Variants in PIK3AP1 observed in about 807,000 individuals in gnomAD.
PIK3AP1 encodes phosphoinositide-3-kinase adaptor protein 1.
A neutral mutation model predicts 88.1 loss-of-function variants in PIK3AP1; 21 were observed. The observed-to-expected ratio is 0.24, with a 90% CI of 0.17 to 0.34. The LOEUF (loss-of-function observed/expected upper bound fraction) is 0.34, where lower values mean the gene tolerates loss of function less well. Ranked by LOEUF, PIK3AP1 falls within the 10% of genes least tolerant of loss-of-function variation. The pLI, the probability that PIK3AP1 is intolerant of heterozygous loss-of-function variation, is 1.00. For synonymous variants in PIK3AP1, 398 were observed against 400.0 expected (o/e 1.00, Z 0.06); for missense variants, 828 against 1,035.7 (o/e 0.80, Z 2.75).
rs1589519640 is a variant in PIK3AP1 at position 96,656,633 on chromosome 10, T to C, written c.567+165A>G. Among the ~76,000 whole-genome samples, 3 of 152,258 alleles carry C rather than the reference T, an allele frequency of 2.0e-5. No individual in the cohort carries two copies. In the South Asian group the frequency reaches 6.2e-4, roughly 32 times the overall value. On this transcript the variant is annotated intron_variant, in intron 3 of 16. Transcript: ENST00000339364. ...CTCTCTCTTACTCAGGGGAGCTGGG[T>C]GTCTCCAGGGCCCGGGTAACAGGGT...
At chr10:96,622,870 TG>T (rs1465897829) in intron 11 of PIK3AP1, among the ~76,000 whole-genome samples, 1 of 152,206 alleles carries the variant, frequency 6.6e-6, no homozygotes, top group Admixed American at 6.5e-5. Flanking sequence ...TGTTCCCCAA[TG>T]GCAAGCAAAA....
At chr10:96,630,743 T>G (rs983766113) in intron 8 of PIK3AP1, among the ~76,000 whole-genome samples, 3 of 151,946 alleles carry the variant, frequency 2.0e-5, no homozygotes, top group Admixed American at 1.3e-4. Flanking sequence ...TTCAGGAGGC[T>G]GGGGTGGGAG....
rs148307872 is a variant in PIK3AP1, at chr10:96,596,348, C to G, written c.2361-714G>C. On this transcript the variant is annotated intron_variant, in intron 16 of 16. Transcript: ENST00000339364. ...TCCACATTTTCCCCTGCTCCTCTGC[C>G]TCCTCACTGGCCCTGATGCTTCCCC... 1.4e-3 allele frequency among the ~76,000 whole-genome samples: 210 copies of G among 152,366 alleles called. 1 individual carries two copies. The highest frequency in any genetic ancestry group is 4.8e-3 in the African/African-American group (199 of 41,596).
At chr10:96,690,062 T>C (rs1353715898) in intron 2 of PIK3AP1, among the ~76,000 whole-genome samples, 9 of 152,224 alleles carry the variant, frequency 5.9e-5, no homozygotes, top group African/African-American at 1.7e-4. Context: ...ATCTTCAGAC[T>C]ACACTGTGCT....
At chr10:96,677,354 G>A (rs144928883) in intron 2 of PIK3AP1, among the ~76,000 whole-genome samples, 1 of 152,140 alleles carries the variant, frequency 6.6e-6, no homozygotes, top group African/African-American at 2.4e-5. Context: ...ATGATACCCT[G>A]AAGTAAAACT....
intron 2 of PIK3AP1, among the ~76,000 whole-genome samples, chr10:96,657,977 C>T (rs578036152): frequency 4.8e-4 from 72 of 150,310 alleles, no homozygotes; most frequent in African/African-American, 1.8e-3. Context: ...GCAGGAGAAT[C>T]ACTTGAACCT....
intron 8 of PIK3AP1, among the ~76,000 whole-genome samples, chr10:96,629,868 G>A (rs117035572): frequency 0.02 from 2,426 of 124,192 alleles, 23 homozygotes; most frequent in Middle Eastern, 0.097. Flanking sequence ...CACTCCAGCC[G>A]GGGCGATAGA....
intron 13 of PIK3AP1, among the ~76,000 whole-genome samples, chr10:96,610,075 C>T (rs1849081991): frequency 6.6e-6 from 1 of 152,158 alleles, no homozygotes; most frequent in African/African-American, 2.4e-5. Context: ...GTGTGGCTGT[C>T]ACTGAGAGAC....
intron 2 of PIK3AP1, among the ~76,000 whole-genome samples, chr10:96,681,599 G>C (rs1370642816): frequency 6.6e-6 from 1 of 152,200 alleles, no homozygotes; most frequent in East Asian, 1.9e-4. Context: ...GGGCCCAAAA[G>C]GGGGCTCTAG....
In PIK3AP1 at chr10:96,631,053, C is replaced by T. The variant is rs1843237984; in HGVS notation, c.1376-2560G>A. 2.6e-5 allele frequency among the ~76,000 whole-genome samples: 4 copies of T among 152,206 alleles called. No homozygotes were observed. The South Asian group carries it at 8.3e-4, about 32-fold the overall frequency. ...CATCATTAACCCAACAATGAAGCAC[C>T]AAGGAACTTACCCCCAAGGGAAGAC... On this transcript the variant is annotated intron_variant, in intron 8 of 16. Transcript: ENST00000339364.
At chr10:96,703,564 T>C (rs182683311) in intron 2 of PIK3AP1, among the ~76,000 whole-genome samples, 1 of 152,286 alleles carries the variant, frequency 6.6e-6, no homozygotes, top group East Asian at 1.9e-4. Context: ...TCTAACAGAA[T>C]CTATTTTTAT....
intron 6 of PIK3AP1, among the ~76,000 whole-genome samples, chr10:96,649,640 CTT>C (rs1374218027): frequency 6.6e-6 from 1 of 152,266 alleles, no homozygotes; most frequent in African/African-American, 2.4e-5. Flanking sequence ...GTTCCTTAGA[CTT>C]TCCGCTGCCT....
chr10:96,605,075 G>T (rs1249367446), intron 14 of PIK3AP1, among the ~76,000 whole-genome samples: 2 of 152,178 alleles, frequency 1.3e-5, no homozygotes, highest in East Asian at 3.8e-4. Context: ...GGCCAGGCTG[G>T]TCTCAAACTC....
chr10:96,701,014 A>T (rs933144651), intron 2 of PIK3AP1: 6 of 369,000 alleles, frequency 1.6e-5, no homozygotes, highest in Admixed American at 6.4e-5. Context: ...CCAAAAACCG[A>T]AAGACAAGAC....
In PIK3AP1 at chr10:96,709,106, TG is replaced by T. The variant is rs1353498476; in HGVS notation, c.430+460del. Among the ~76,000 whole-genome samples the T allele has an allele frequency of 4.9e-5, 6 of 122,702 alleles. No homozygotes were observed. The Admixed American group carries it at 6.4e-4, about 13-fold the overall frequency. The allele number at this position is 122,702 out of a possible 152,430, so 80.5% of individuals were successfully genotyped here. A position where few individuals can be genotyped will look rare whatever the true frequency, so the allele number is the denominator to read the frequency against. On this transcript the variant is annotated intron_variant, in intron 2 of 16. Coordinates refer to ENST00000339364, the MANE Select transcript of PIK3AP1 (RefSeq NM_152309.3). ...GAGATCGCACCATTGCGATCCAGCC[TG>T]GGTGACAGAGGGAGACTCCGACTCA...
chr10:96,703,846 C>T (rs980266746), intron 2 of PIK3AP1, among the ~76,000 whole-genome samples: 6 of 152,250 alleles, frequency 3.9e-5, no homozygotes, highest in South Asian at 2.1e-4. Context: ...CTGAAAGAAA[C>T]CTTCCAAATT....
At chr10:96,703,935 T>C (rs1361929293) in intron 2 of PIK3AP1, among the ~76,000 whole-genome samples, 4 of 152,234 alleles carry the variant, frequency 2.6e-5, no homozygotes, top group African/African-American at 9.6e-5. Context: ...AAGACTCCAA[T>C]TAAAACATCT....
intron 4 of PIK3AP1, among the ~76,000 whole-genome samples, chr10:96,652,293 A>C (rs2134235013): frequency 6.6e-6 from 1 of 152,338 alleles, no homozygotes; most frequent in South Asian, 2.1e-4. Flanking sequence ...ATATCAAAGT[A>C]GCTGGGTGCC....
At chr10:96,611,128 G>A (rs1456492408) in intron 13 of PIK3AP1, among the ~76,000 whole-genome samples, 1 of 152,158 alleles carries the variant, frequency 6.6e-6, no homozygotes, top group East Asian at 1.9e-4. Flanking sequence ...GAGAGGACAG[G>A]GCACACCAAG....
Sources: allele counts gnomAD v4.1 joint callset (sites outside exome capture counted in the v4.1 genomes callset), GRCh38; gene constraint gnomAD v4.1.1; transcripts MANE v1.5; gene names NCBI Gene and HGNC (gene_info 2026-07-23, HGNC 2026-07-21).